The following DDX60L variants were observed in gnomAD, a reference collection of about 807,000 sequenced individuals.
The protein encoded by DDX60L is DExD/H-box 60 like, also known as probable ATP-dependent RNA helicase DDX60-like.
Under a neutral mutation model 211.6 loss-of-function variants are expected in DDX60L, and 191 were observed. The ratio of observed to expected loss-of-function variants is 0.90; its 90% CI spans 0.80 to 1.02. The LOEUF (loss-of-function observed/expected upper bound fraction) is 1.02, where lower values mean the gene tolerates loss of function less well. Among genes scored for constraint, DDX60L ranks in the 50% least tolerant of loss-of-function variants. DDX60L has a pLI of 0.00. For missense variants in DDX60L, 2,007 were observed against 1,984.1 expected (o/e 1.01, Z -0.22); for synonymous variants, 706 against 694.1 (o/e 1.02, Z -0.27).
chr4:168,402,624 GT>G (rs1747029148), intron 25 of DDX60L, among the ~76,000 whole-genome samples: 1 of 152,208 alleles, frequency 6.6e-6, no homozygotes, highest in Non-Finnish European at 1.5e-5. Flanking sequence ...CAGAGCTGCA[GT>G]TTAAGCTAAG....
chr4:168,407,956 A>C (rs1232612256), intron 22 of DDX60L, among the ~76,000 whole-genome samples: 1 of 152,236 alleles, frequency 6.6e-6, no homozygotes, highest in Non-Finnish European at 1.5e-5. Context: ...AAGAATCATC[A>C]TTTAGCAATT....
At chr4:168,420,722 T>C (rs1411726722) in intron 17 of DDX60L, among the ~76,000 whole-genome samples, 1 of 151,942 alleles carries the variant, frequency 6.6e-6, no homozygotes, top group Admixed American at 6.6e-5. Flanking sequence ...ATATCATGTA[T>C]ATGGTGACAA....
intron 30 of DDX60L, among the ~76,000 whole-genome samples, chr4:168,383,380 A>G (rs1743293519): frequency 6.6e-6 from 1 of 152,208 alleles, no homozygotes; most frequent in Non-Finnish European, 1.5e-5. Context: ...GGACAGACAC[A>G]CTTCCAAGTT....
chr4:168,416,249 A>C (rs1565266), intron 20 of DDX60L, among the ~76,000 whole-genome samples: 81,058 of 152,028 alleles, frequency 0.53, 22,818 homozygotes, highest in East Asian at 0.72. Context: ...TTTAGCTTTA[A>C]TTATTGGATA....
chr4:168,358,277 CT>C lies in DDX60L; in HGVS notation c.4992-2del. ...TTCACATAGTTCACTCAAGGAGTCA[CT>C]GTATAAATGATAATAATAATAAAAA... On this transcript the variant is annotated splice_acceptor_variant, in intron 37 of 37. Coordinates refer to ENST00000682922, the MANE Select transcript of DDX60L (RefSeq NM_001012967.3). LOFTEE classifies it high-confidence loss of function. The C allele has an allele frequency of 1.9e-6, 3 of 1,538,846 alleles. No homozygotes were observed. The highest frequency in any genetic ancestry group is 2.6e-6 in the Non-Finnish European group (3 of 1,143,828).
intron 10 of DDX60L, among the ~76,000 whole-genome samples, chr4:168,437,765 G>A (rs533649582): frequency 1.8e-4 from 27 of 152,290 alleles, no homozygotes; most frequent in East Asian, 1.5e-3. Context: ...TCAGTATACC[G>A]TGGCTTGCTC....
Position 168,420,234 on chromosome 4 carries a change from A to AT in DDX60L, c.2514+26dup. ...ATAAGTACTGCTCTATAATTTGATA[A>AT]TAAACTCATTAATTAATATGTCATA... On this transcript the variant is annotated intron_variant, in intron 18 of 37. Coordinates refer to ENST00000682922, the MANE Select transcript of DDX60L (RefSeq NM_001012967.3). 2.0e-6 allele frequency: 3 copies of AT among 1,518,192 alleles called. 1 individual carries two copies. The South Asian group carries it at 3.8e-5, about 19-fold the overall frequency. The allele number at this position is 1,518,192 out of a possible 1,614,324, so 94.0% of individuals were successfully genotyped here.
intron 1 of DDX60L, chr4:168,475,949 A>T (rs1759426898): frequency 1.3e-5 from 2 of 151,054 alleles, no homozygotes; most frequent in South Asian, 4.2e-4. Context: ...CTCTCTCAGA[A>T]CACAGCAACA....
chr4:168,383,533 A>G (rs905868460), intron 30 of DDX60L, among the ~76,000 whole-genome samples: 1 of 152,208 alleles, frequency 6.6e-6, no homozygotes, highest in Non-Finnish European at 1.5e-5. Context: ...TTGGCTATAC[A>G]TTGTTGAACT....
intron 1 of DDX60L, among the ~76,000 whole-genome samples, chr4:168,475,026 C>T (rs1759290009): frequency 6.6e-6 from 1 of 152,122 alleles, no homozygotes; most frequent in Non-Finnish European, 1.5e-5. Context: ...AAAAGAAAGA[C>T]ATTTTAGCCA....
Position 168,361,155 on chromosome 4 carries a change from G to A in DDX60L, c.4985C>T (p.Ala1662Val). 6.2e-7 allele frequency: 1 copy of A among 1,604,648 alleles called. No individual in the cohort carries two copies. The highest frequency in any genetic ancestry group is 8.5e-7 in the Non-Finnish European group (1 of 1,173,192). Residue 1662 changes from alanine (A) to valine (V), a missense_variant, in exon 37 of 38, where the codon GCT becomes GTT. Physicochemically the swap from Ala to Val is moderately conservative, Grantham distance 64 (BLOSUM62 0). Coordinates refer to ENST00000682922, the MANE Select transcript of DDX60L (RefSeq NM_001012967.3). ...CLKDFAFNIQ[A>V]ISDSLSELCE... ...AACTCAGCATGAAACATACCTGATA[G>A]CCTGAATGTTGAATGCAAAATCTTT...
At chr4:168,360,257 G>T (rs1371294041) in intron 37 of DDX60L, among the ~76,000 whole-genome samples, 2 of 152,128 alleles carry the variant, frequency 1.3e-5, no homozygotes, top group Admixed American at 1.3e-4. Context: ...AATGAATGAA[G>T]GAATTATTTT....
chr4:168,419,150 A>G (rs1324145681), intron 19 of DDX60L, among the ~76,000 whole-genome samples, 152 bp downstream of exon 19: 1 of 152,238 alleles, frequency 6.6e-6, no homozygotes, highest in Non-Finnish European at 1.5e-5. Context: ...TAAAAATTGT[A>G]CTAACGTGAA....
intron 22 of DDX60L, 134 bp from the exon 23 acceptor site, chr4:168,406,840 TAA>T: frequency 3.1e-6 from 2 of 647,490 alleles, no homozygotes; most frequent in Non-Finnish European, 5.3e-6. Flanking sequence ...CAATCAACTG[TAA>T]TATTTCACCT....
chr4:168,451,622 T>C (rs1755817427), intron 8 of DDX60L, among the ~76,000 whole-genome samples: 1 of 152,222 alleles, frequency 6.6e-6, no homozygotes. Flanking sequence ...TATATTTGGA[T>C]GTCTACAATG....
intron 19 of DDX60L, 96 bp from the exon 20 acceptor site, chr4:168,416,893 T>C (rs1749663245): frequency 1.6e-6 from 1 of 633,910 alleles, no homozygotes; most frequent in Non-Finnish European, 2.7e-6. Flanking sequence ...TCCAGTTTCC[T>C]ATAAATGACC....
intron 25 of DDX60L, among the ~76,000 whole-genome samples, chr4:168,403,156 T>C (rs1287641433): frequency 7.2e-5 from 11 of 152,256 alleles, no homozygotes; most frequent in African/African-American, 2.7e-4. Flanking sequence ...GAAGAAATTT[T>C]CTTGTAATTC....
At position 168,448,781 on chromosome 4, in the gene DDX60L, T is replaced by C. The variant is rs1755213094; in HGVS notation, c.997-2A>G. 2 of 1,597,426 alleles carry C rather than the reference T, an allele frequency of 1.3e-6. No individual in the cohort carries two copies. The highest frequency in any genetic ancestry group is 1.7e-5 in the Admixed American group (1 of 57,256). On this transcript the variant is annotated splice_acceptor_variant, in intron 8 of 37. Transcript: ENST00000682922. LOFTEE classifies it high-confidence loss of function. ...AATGAAATATTCACACCACTTGTTC[T>C]GAAAATTAAAAATAAAACATTATTA...
At position 168,441,486 on chromosome 4, in the gene DDX60L, T is replaced by C; in HGVS notation, c.1145A>G (p.His382Arg). 1.3e-6 allele frequency: 2 copies of C among 1,598,796 alleles called. No homozygotes were observed. Among genetic ancestry groups the C allele is most frequent in the African/African-American group, 1.3e-5 (1 of 74,600 alleles). ...YYEFESTQEP[H>R]LNLGDSIRRD... ...CCTAATGGAATCTCCCAAATTCAAA[T>C]GTGGTTCTGCATAACAATAAAAAAT... Residue 382 changes from histidine (H) to arginine (R), a missense_variant, in exon 10 of 38, where the codon CAT becomes CGT. Physicochemically the swap from His to Arg is conservative, Grantham distance 29 (BLOSUM62 0). Transcript: ENST00000682922.
Sources: allele counts gnomAD v4.1 joint callset (sites outside exome capture counted in the v4.1 genomes callset), GRCh38; gene constraint gnomAD v4.1.1; transcripts MANE v1.5; gene names NCBI Gene and HGNC (gene_info 2026-07-23, HGNC 2026-07-21).